PCDHA2: variants seen among roughly 807,000 people sequenced by gnomAD.
The protein encoded by PCDHA2 is protocadherin alpha 2.
PCDHA2 carries 58 observed loss-of-function variants against 66.0 expected under a neutral mutation model. The ratio of observed to expected loss-of-function variants is 0.88; its 90% CI spans 0.71 to 1.09. PCDHA2 has a LOEUF of 1.09. Ranked by LOEUF, PCDHA2 falls within the 50% of genes least tolerant of loss-of-function variation. PCDHA2 has a pLI of 0.00. For missense variants in PCDHA2, 1,267 were observed against 1,242.3 expected (o/e 1.02, Z -0.30); for synonymous variants, 634 against 554.0 (o/e 1.14, Z -2.03).
intron 1 of PCDHA2, chr5:140,875,924 A>C (rs782181544): frequency 6.2e-7 from 1 of 1,614,054 alleles, no homozygotes; most frequent in Non-Finnish European, 8.5e-7. Context: ...CTGGACTCTC[A>C]TTTTCCTCTA....
At chr5:140,884,585 A>C in intron 1 of PCDHA2, 2 of 1,614,190 alleles carry the variant, frequency 1.2e-6, no homozygotes, top group Non-Finnish European at 1.7e-6. Context: ...CATGGCCTTC[A>C]GTCCCAGCCT....
intron 1 of PCDHA2, chr5:140,870,111 G>A (rs112749867): frequency 6.8e-6 from 11 of 1,613,880 alleles, no homozygotes; most frequent in Non-Finnish European, 9.3e-6. Flanking sequence ...GTACAGTCTG[G>A]GTGGAAATCT....
intron 1 of PCDHA2, chr5:140,867,441 G>A (rs1188505395): frequency 1.3e-5 from 2 of 152,032 alleles, no homozygotes; most frequent in African/African-American, 4.8e-5. Flanking sequence ...GCATTTACCT[G>A]AATTAGAGTT....
intron 1 of PCDHA2, among the ~76,000 whole-genome samples, chr5:140,800,139 T>C (rs1762512877): frequency 1.3e-5 from 2 of 152,168 alleles, no homozygotes; most frequent in Admixed American, 1.3e-4. Flanking sequence ...GTTAACATTT[T>C]AGTATATACA....
At chr5:140,966,740 C>G in intron 1 of PCDHA2, 1 of 1,422,696 alleles carries the variant, frequency 7.0e-7, no homozygotes, top group Non-Finnish European at 9.1e-7. Flanking sequence ...CGGCCCTGCC[C>G]GGCTGCCTCC....
intron 3 of PCDHA2, among the ~76,000 whole-genome samples, chr5:140,984,647 G>C (rs1169327185): frequency 6.6e-6 from 1 of 152,102 alleles, no homozygotes; most frequent in Non-Finnish European, 1.5e-5. Flanking sequence ...CCTTCTCCCT[G>C]TCCTTCTGGT....
intron 3 of PCDHA2, among the ~76,000 whole-genome samples, chr5:140,988,245 G>C (rs17286877): frequency 0.027 from 4,184 of 152,286 alleles, 88 homozygotes; most frequent in Non-Finnish European, 0.043. Flanking sequence ...GAGTGGGGCA[G>C]CTCCCGCCTG....
At chr5:140,892,324 C>T (rs1158961031) in intron 1 of PCDHA2, among the ~76,000 whole-genome samples, 3 of 152,308 alleles carry the variant, frequency 2.0e-5, no homozygotes, top group Non-Finnish European at 4.4e-5. Context: ...CATTTTCTTT[C>T]TCCAGAATGG....
intron 1 of PCDHA2, among the ~76,000 whole-genome samples, chr5:140,945,758 G>A (rs1483102794): frequency 6.6e-6 from 1 of 152,014 alleles, no homozygotes; most frequent in Non-Finnish European, 1.5e-5. Flanking sequence ...ATAAATGGTG[G>A]TGGGACAATT....
intron 1 of PCDHA2, chr5:140,869,254 G>C (rs2050982255): frequency 6.2e-7 from 1 of 1,613,494 alleles, no homozygotes; most frequent in African/African-American, 1.3e-5. Flanking sequence ...CATCGCGCAG[G>C]ACCTGGGGCT....
At chr5:140,804,796 G>T in intron 1 of PCDHA2, 1 of 289,060 alleles carries the variant, frequency 3.5e-6, no homozygotes. Flanking sequence ...TACCACTGGA[G>T]AGAAATAGTA....
intron 1 of PCDHA2, chr5:140,926,803 C>T (rs2083562434): frequency 6.9e-7 from 1 of 1,454,300 alleles, no homozygotes; most frequent in Non-Finnish European, 9.0e-7. Flanking sequence ...GTGCTCTTCC[C>T]CGCGGCTCGT....
At chr5:140,842,962 C>G (rs1554139576) in intron 1 of PCDHA2, 1 of 1,594,950 alleles carries the variant, frequency 6.3e-7, no homozygotes, top group African/African-American at 1.3e-5. Context: ...CTCTGGGCAG[C>G]AACGTGACGC....
chr5:140,856,374 T>C, intron 1 of PCDHA2: 3 of 1,598,376 alleles, frequency 1.9e-6, no homozygotes, highest in Non-Finnish European at 2.6e-6. Flanking sequence ...GAGGTGATCG[T>C]GGACAGGCCG....
intron 1 of PCDHA2, chr5:140,871,435 G>T: frequency 6.2e-7 from 1 of 1,612,454 alleles, no homozygotes; most frequent in Non-Finnish European, 8.5e-7. Context: ...TCTTCCTCTA[G>T]GTCTGAATAA....
In PCDHA2 at chr5:140,852,367, T is replaced by C. The variant is rs2150515720; in HGVS notation, c.2388+55015T>C. On this transcript the variant is annotated intron_variant, in intron 1 of 3. Transcript: ENST00000526136. Reference sequence around the variant, plus strand: ...ATCTTGGCTCACTGCAACGTCTGCCTCCTGGGTTCAAGCAATTCTCCTGCC... The same window carrying C: ...ATCTTGGCTCACTGCAACGTCTGCCCCCTGGGTTCAAGCAATTCTCCTGCC... 73 of 201,190 alleles carry C rather than the reference T, an allele frequency of 3.6e-4. 4 individuals are homozygous for C. The highest frequency in any genetic ancestry group is 6.9e-4 in the Non-Finnish European group (70 of 101,398). 12.5% of individuals were successfully genotyped at this position (201,190 alleles called of 1,614,324 possible).
intron 1 of PCDHA2, chr5:140,834,234 C>T: frequency 1.3e-6 from 1 of 766,094 alleles, no homozygotes; most frequent in Non-Finnish European, 2.1e-6. Context: ...GGAAGTCATT[C>T]CTTTTCGCAC....
At chr5:140,928,630 G>A in intron 1 of PCDHA2, 1 of 1,614,210 alleles carries the variant, frequency 6.2e-7, no homozygotes, top group East Asian at 2.2e-5. Context: ...TGGACACTTG[G>A]TCACAAAAGT....
At chr5:140,910,850 A>G (rs1285161954) in intron 1 of PCDHA2, among the ~76,000 whole-genome samples, 1 of 152,168 alleles carries the variant, frequency 6.6e-6, no homozygotes, top group Non-Finnish European at 1.5e-5. Flanking sequence ...CCTTGGATCT[A>G]TGTTCCATCC....
Sources: gnomAD v4.1 joint callset for allele counts (sites outside exome capture counted in the v4.1 genomes callset) on GRCh38, gnomAD v4.1.1 for gene constraint, MANE v1.5 for transcripts, NCBI Gene and HGNC (gene_info 2026-07-23, HGNC 2026-07-21) for gene names.